Variants in ZNF705G observed in about 807,000 individuals in gnomAD.
The protein encoded by ZNF705G is putative zinc finger protein 705G.
ZNF705G carries 23 observed loss-of-function variants against 19.6 expected under a neutral mutation model. The ratio of observed to expected loss-of-function variants is 1.17; its 90% CI spans 0.84 to 1.66. The LOEUF (loss-of-function observed/expected upper bound fraction) is 1.66. Among genes scored for constraint, ZNF705G ranks in the 40% most tolerant of loss-of-function variants. The pLI, the probability that ZNF705G is intolerant of heterozygous loss-of-function variation, is 0.00. For synonymous variants in ZNF705G, 146 were observed against 117.7 expected, an observed-to-expected ratio of 1.24 and a Z score of -1.56; for missense variants, 457 against 354.4, an observed-to-expected ratio of 1.29 and a Z score of -2.32.
At chr8:7,367,569 C>G (rs1806914432) in intron 2 of ZNF705G, among the ~76,000 whole-genome samples, 1 of 149,528 alleles carries the variant, frequency 6.7e-6, no homozygotes, top group Admixed American at 6.6e-5. Flanking sequence ...AAGCACTGTG[C>G]ATGCCGGAAA....
rs546190106 is a variant in ZNF705G at position 7,369,481 on chromosome 8, C to T, written c.-71-6464G>A. Among the ~76,000 whole-genome samples the T allele has an allele frequency of 1.1e-4, 17 of 149,670 alleles. No individual in the cohort carries two copies. The South Asian group carries it at 3.4e-3, about 30-fold the overall frequency. ...GAATGGTAGATCCACTGTCAGCTTG[C>T]ACCCTGAGCCTGGAAAAGCTGCAGG... is the stretch of plus-strand genomic sequence containing the variant. On this transcript the variant is annotated intron_variant, in intron 2 of 6. Transcript: ENST00000400156.
intron 1 of ZNF705G, 53 bp from the exon 2 acceptor site, chr8:7,381,654 A>C (rs545746677): frequency 1.3e-5 from 2 of 148,234 alleles, no homozygotes; most frequent in South Asian, 4.2e-4. Flanking sequence ...TAGAAAACCA[A>C]ATATTGCACA....
At position 7,359,763 on chromosome 8, in the gene ZNF705G, C is replaced by T. The variant is rs560505229; in HGVS notation, c.236-62G>A. 20 of 1,602,142 alleles carry T rather than the reference C, an allele frequency of 1.2e-5. No homozygotes were observed. The Admixed American group carries it at 1.5e-4, about 12-fold the overall frequency. On this transcript the variant is annotated intron_variant, in intron 5 of 6. Transcript: ENST00000400156. The stretch of plus-strand genomic sequence containing the variant: ...TATGGTAATAAAATTGTTTGAAAAG[C>T]CCCAAAGCCCACGTACTTTTTTCAA...
At chr8:7,384,876 C>G (rs1296707597) in intron 1 of ZNF705G, among the ~76,000 whole-genome samples, 3 of 146,354 alleles carry the variant, frequency 2.0e-5, no homozygotes, top group Non-Finnish European at 4.4e-5. Flanking sequence ...AAAGTGGTAT[C>G]TTAGTTGACA....
intron 6 of ZNF705G, among the ~76,000 whole-genome samples, chr8:7,359,061 A>T (rs1489189834): frequency 6.7e-6 from 1 of 149,552 alleles, no homozygotes; most frequent in Non-Finnish European, 1.5e-5. Flanking sequence ...AAAAATCCAG[A>T]TTCACTGAGC....
intron 2 of ZNF705G, among the ~76,000 whole-genome samples, chr8:7,379,257 T>C (rs1173020206): frequency 1.4e-5 from 2 of 147,618 alleles, no homozygotes; most frequent in Non-Finnish European, 2.9e-5. Flanking sequence ...GATTGAGATA[T>C]ATTCCAACCA....
chr8:7,385,160 G>A (rs1226844235), intron 1 of ZNF705G, among the ~76,000 whole-genome samples: 1 of 148,282 alleles, frequency 6.7e-6, no homozygotes, highest in Non-Finnish European at 1.5e-5. Flanking sequence ...CCCTAACAAA[G>A]GGGGAAAGTC....
At chr8:7,364,935 C>A (rs183872052) in intron 2 of ZNF705G, among the ~76,000 whole-genome samples, 1 of 149,396 alleles carries the variant, frequency 6.7e-6, no homozygotes, top group East Asian at 1.9e-4. Context: ...CAGCTGTAAC[C>A]CTTAATATTA....
chr8:7,365,375 A>ATTTTTTTTTTTTTTTTTTTTTT (rs71253679), intron 2 of ZNF705G, among the ~76,000 whole-genome samples: 1 of 112,056 alleles, frequency 8.9e-6, no homozygotes, highest in Non-Finnish European at 1.7e-5. Flanking sequence ...GTCTCTCTCT[A>ATTTTTTTTTTTTTTTTTTTTTT]TTTTTTTTTT....
Position 7,374,852 on chromosome 8 carries a change from G to T in ZNF705G, c.-72+6600C>A, listed in dbSNP as rs1381103910. On this transcript the variant is annotated intron_variant, in intron 2 of 6. Coordinates refer to ENST00000400156, the MANE Select transcript of ZNF705G (RefSeq NM_001164457.3). Reference sequence around the variant, plus strand: ...TATGTTCATTGTAACTCTATCTTTTGTTCCTAAAGCAAATGGCCGGAAAAG... The same window carrying T: ...TATGTTCATTGTAACTCTATCTTTTTTTCCTAAAGCAAATGGCCGGAAAAG... 2.3e-5 allele frequency among the ~76,000 whole-genome samples: 2 copies of T among 88,396 alleles called. 1 individual carries two copies. The allele number at this position is 88,396 out of a possible 152,430, so 58.0% of individuals were successfully genotyped here.
chr8:7,362,130 GT>G lies in ZNF705G; in HGVS notation c.12+804del, dbSNP rs1259313937. Among the ~76,000 whole-genome samples, 27 of 149,084 alleles carry G rather than the reference GT, an allele frequency of 1.8e-4. 4 individuals are homozygous for G. Among genetic ancestry groups the G allele is most frequent in the African/African-American group, 4.4e-4 (17 of 38,680 alleles). ...CAAAGATTTAAAAAGCCTCTTCATT[GT>G]TTTTTTTCTAACCAGCCCTTATAAA... On this transcript the variant is annotated intron_variant, in intron 3 of 6. Coordinates refer to ENST00000400156, the MANE Select transcript of ZNF705G (RefSeq NM_001164457.3).
chr8:7,360,798 TATTTA>T (rs1427366899), intron 4 of ZNF705G, among the ~76,000 whole-genome samples: 1 of 149,514 alleles, frequency 6.7e-6, no homozygotes, highest in Non-Finnish European at 1.5e-5. Flanking sequence ...ATTTAGAAAA[TATTTA>T]ATTTAATACA....
chr8:7,358,173 C>A lies in ZNF705G; in HGVS notation c.706G>T (p.Val236Phe). 2 of 1,607,580 alleles carry A rather than the reference C, an allele frequency of 1.2e-6. No homozygotes were observed. The highest frequency in any genetic ancestry group is 1.7e-6 in the Non-Finnish European group (2 of 1,179,624). The change falls in exon 7 of 7, where the codon GTC becomes TTC. Residue 236 changes from valine to phenylalanine, a missense_variant. By Grantham distance (50) the Val-to-Phe change is conservative. Coordinates refer to ENST00000400156, the MANE Select transcript of ZNF705G (RefSeq NM_001164457.3). ...RPYKCHQYGK[V>F]FIQSFNLQRH... ...TGAAGGTTAAAGGATTGAATAAAGA[C>A]TTTCCCATATTGATGACACTTATAT...
chr8:7,384,421 A>G (rs1490681056), intron 1 of ZNF705G, among the ~76,000 whole-genome samples: 1 of 145,664 alleles, frequency 6.9e-6, no homozygotes, highest in Non-Finnish European at 1.5e-5. Context: ...GTGAACAGAC[A>G]TTTCTCAAAA....
intron 2 of ZNF705G, among the ~76,000 whole-genome samples, chr8:7,366,984 C>A (rs1429853060): frequency 6.7e-6 from 1 of 149,550 alleles, no homozygotes. Flanking sequence ...AATTTATTTA[C>A]AGTTTATAGT....
Position 7,357,913 on chromosome 8 carries a change from T to C in ZNF705G, c.*63A>G, listed in dbSNP as rs1402603019. On this transcript the variant is annotated 3_prime_UTR_variant, in exon 7 of 7. Transcript: ENST00000400156. Reference sequence around the variant, plus strand: ...GATGCTCTTTAAGATTAGTACATTGTCTGAAGGCTTTCCCACATAAATGGC... The same window carrying C: ...GATGCTCTTTAAGATTAGTACATTGCCTGAAGGCTTTCCCACATAAATGGC... The C allele has an allele frequency of 1.2e-5, 19 of 1,600,608 alleles. No homozygotes were observed. Among genetic ancestry groups the C allele is most frequent in the East Asian group, 4.5e-5 (2 of 44,774 alleles).
Position 7,358,890 on chromosome 8 carries a change from C to A in ZNF705G, c.319-330G>T, listed in dbSNP as rs149976363. 6.0e-4 allele frequency among the ~76,000 whole-genome samples: 89 copies of A among 149,558 alleles called. 6 individuals are homozygous for A. Among genetic ancestry groups the A allele is most frequent in the African/African-American group, 2.2e-3 (86 of 38,970 alleles). On this transcript the variant is annotated intron_variant, in intron 6 of 6. Coordinates refer to ENST00000400156, the MANE Select transcript of ZNF705G (RefSeq NM_001164457.3). ...CTGTTAAAATTGCACCATGGCAATG[C>A]AAACTGATAACTTTTCTTTACAAGT...
intron 2 of ZNF705G, among the ~76,000 whole-genome samples, chr8:7,368,764 G>T (rs1414306545): frequency 1.1e-4 from 16 of 149,710 alleles, no homozygotes; most frequent in Admixed American, 1.1e-3. Flanking sequence ...TGCAAGCACA[G>T]GACAGTGCTC....
intron 2 of ZNF705G, among the ~76,000 whole-genome samples, chr8:7,370,930 G>A (rs1807073490): frequency 8.0e-6 from 1 of 124,264 alleles, no homozygotes; most frequent in South Asian, 2.7e-4. Context: ...GAATGGAGCT[G>A]GAAGCCATTA....
Sources: gnomAD v4.1 joint callset for allele counts (sites outside exome capture counted in the v4.1 genomes callset) on GRCh38, gnomAD v4.1.1 for gene constraint, MANE v1.5 for transcripts, NCBI Gene and HGNC (gene_info 2026-07-23, HGNC 2026-07-21) for gene names.